WRN: variants seen among roughly 807,000 people sequenced by gnomAD.
The protein encoded by WRN is WRN RecQ like helicase, also known as bifunctional 3'-5' exonuclease/ATP-dependent helicase WRN.
WRN carries 149 observed loss-of-function variants against 180.7 expected under a neutral mutation model. The observed-to-expected ratio is 0.82, with a 90% confidence interval of 0.72 to 0.94. WRN has a LOEUF of 0.94. WRN is among the 40% of genes least tolerant of loss of function. The probability of loss-of-function intolerance (pLI) is 0.00; values close to 1 mark genes in which losing one functional copy is unlikely to be tolerated. For synonymous variants in WRN, 548 were observed against 568.9 expected (o/e 0.96, Z 0.52); for missense variants, 1,661 against 1,700.1 (o/e 0.98, Z 0.40).
intron 24 of WRN, among the ~76,000 whole-genome samples, chr8:31,135,171 G>A (rs1437336468): frequency 6.6e-6 from 1 of 152,058 alleles, no homozygotes; most frequent in East Asian, 1.9e-4. Flanking sequence ...TCCCACCTCA[G>A]CCTCCAGAGT....
chr8:31,047,138 A>ATTTTTT (rs549940818), intron 1 of WRN, among the ~76,000 whole-genome samples: 4 of 115,316 alleles, frequency 3.5e-5, no homozygotes, highest in Non-Finnish European at 5.3e-5. Context: ...GGCAATGCTG[A>ATTTTTT]TTTTTTTTTT....
rs765321958 is a variant in WRN, at chr8:31,111,597, C to G, written c.2089-18C>G. 1 of 1,613,332 alleles carries G rather than the reference C, an allele frequency of 6.2e-7. No individual in the cohort carries two copies. Among genetic ancestry groups the G allele is most frequent in the Admixed American group, 1.7e-5 (1 of 60,012 alleles). On this transcript the variant is annotated intron_variant, in intron 18 of 34. Coordinates refer to ENST00000298139, the MANE Select transcript of WRN (RefSeq NM_000553.6). ...ATGAGCTCTTTCCTTTTTAAAATAT[C>G]AGTTTTACATCATTCAGGTTCCAAT...
At position 31,037,188 on chromosome 8, in the gene WRN, A is replaced by AGTTC. The variant is rs542809241; in HGVS notation, c.-77+3216_-77+3219dup. On this transcript the variant is annotated intron_variant, in intron 1 of 34. Coordinates refer to ENST00000298139, the MANE Select transcript of WRN (RefSeq NM_000553.6). ...TCTGGGAGTGATGGGAGACAGTGACAGTTCATAAGGCATTAGGTTCTTCTA... is the reference window on the plus strand; with the variant it reads ...TCTGGGAGTGATGGGAGACAGTGACAGTTCGTTCATAAGGCATTAGGTTCTTCTA... 2.2e-4 allele frequency among the ~76,000 whole-genome samples: 34 copies of AGTTC among 152,348 alleles called. No individual in the cohort carries two copies. In the South Asian group the frequency reaches 7.0e-3, roughly 32 times the overall value.
intron 12 of WRN, 97 bp from the exon 13 acceptor site, chr8:31,088,793 T>G: frequency 9.9e-7 from 1 of 1,012,490 alleles, no homozygotes. Flanking sequence ...TAGCTGTCAC[T>G]GTATTCTTTC....
At chr8:31,095,918 G>A (rs1398110548) in intron 16 of WRN, among the ~76,000 whole-genome samples, 1 of 152,120 alleles carries the variant, frequency 6.6e-6, no homozygotes, top group African/African-American at 2.4e-5. Context: ...TGCCTGCTGG[G>A]ATTTTGAATG....
chr8:31,062,892 C>T (rs1368644687), intron 3 of WRN, among the ~76,000 whole-genome samples: 2 of 151,812 alleles, frequency 1.3e-5, no homozygotes, highest in East Asian at 1.9e-4. Context: ...AGTGCGGTGG[C>T]GAGATCATAC....
intron 17 of WRN, among the ~76,000 whole-genome samples, chr8:31,097,985 G>A (rs1213298537): frequency 6.6e-6 from 1 of 151,994 alleles, no homozygotes; most frequent in African/African-American, 2.4e-5. Flanking sequence ...TCATTTAATG[G>A]TTACTTTCAT....
At chr8:31,144,679 CAATTT>C (rs1285488475) in intron 28 of WRN, among the ~76,000 whole-genome samples, 2 of 152,068 alleles carry the variant, frequency 1.3e-5, no homozygotes, top group Non-Finnish European at 2.9e-5. Context: ...ACATGTCTCT[CAATTT>C]AAATCAAAAG....
intron 11 of WRN, chr8:31,087,513 G>T: frequency 2.8e-6 from 1 of 351,100 alleles, no homozygotes; most frequent in Non-Finnish European, 5.3e-6. Flanking sequence ...ATTTATGATA[G>T]CTTTCCCCAG....
chr8:31,082,236 C>G (rs191870316), intron 9 of WRN, among the ~76,000 whole-genome samples: 1 of 152,092 alleles, frequency 6.6e-6, no homozygotes, highest in Admixed American at 6.5e-5. Flanking sequence ...CTTAAGATGC[C>G]TATATTCTCT....
chr8:31,083,392 A>T lies in WRN; in HGVS notation c.1270-307A>T, dbSNP rs1813396793. On this transcript the variant is annotated intron_variant, in intron 9 of 34. Transcript: ENST00000298139. ...CAAAAAGTTTGGGAGACACAGTGTG[A>T]CATTGTTTAACCTGAGTTGAACTTG... is the stretch of plus-strand genomic sequence containing the variant. 2.0e-5 allele frequency among the ~76,000 whole-genome samples: 3 copies of T among 152,212 alleles called. No homozygotes were observed. The South Asian group carries it at 6.2e-4, about 31-fold the overall frequency.
chr8:31,063,233 G>A (rs1026089097), intron 3 of WRN, among the ~76,000 whole-genome samples: 15 of 152,112 alleles, frequency 9.9e-5, no homozygotes, highest in African/African-American at 3.4e-4. Flanking sequence ...CTAACAAACT[G>A]TGTACTCTGT....
intron 30 of WRN, 50 bp downstream of exon 30, chr8:31,147,526 A>G: frequency 6.5e-7 from 1 of 1,542,310 alleles, no homozygotes; most frequent in Non-Finnish European, 8.9e-7. Context: ...AACAAAATAG[A>G]TTTGGAAAAT....
In WRN at chr8:31,088,870, A is replaced by G. The variant is rs769612748; in HGVS notation, c.1577-20A>G. Reference sequence around the variant, plus strand: ...TGTTTTTCTACTTGAACATAAATGCACATTTTATTTTATTTCCAGACTTTT... The same window carrying G: ...TGTTTTTCTACTTGAACATAAATGCGCATTTTATTTTATTTCCAGACTTTT... On this transcript the variant is annotated intron_variant, in intron 12 of 34. Transcript: ENST00000298139. 1 of 1,597,060 alleles carries G rather than the reference A, an allele frequency of 6.3e-7. No homozygotes were observed. The highest frequency in any genetic ancestry group is 8.6e-7 in the Non-Finnish European group (1 of 1,168,722).
At chr8:31,085,387 A>G in intron 11 of WRN, 141 bp downstream of exon 11, 1 of 930,466 alleles carries the variant, frequency 1.1e-6, no homozygotes, top group South Asian at 1.6e-5. Flanking sequence ...CACATTTTCC[A>G]ATTCATGTTT....
At chr8:31,089,004 A>T (rs17847588) in intron 13 of WRN, 39 bp downstream of exon 13, 1 of 1,568,876 alleles carries the variant, frequency 6.4e-7, no homozygotes, top group African/African-American at 1.4e-5. Context: ...CATATTTAGT[A>T]TTCTCTTTAA....
At chr8:31,035,293 TG>T (rs1227535148) in intron 1 of WRN, among the ~76,000 whole-genome samples, 1 of 151,302 alleles carries the variant, frequency 6.6e-6, no homozygotes, top group Non-Finnish European at 1.5e-5. Flanking sequence ...GTGTTGTGGG[TG>T]GGGGGCTGTA....
rs111566913 is a variant in WRN, at chr8:31,174,005, A to C, written c.*903A>C. 6.6e-6 allele frequency among the ~76,000 whole-genome samples: 1 copy of C among 152,236 alleles called. No individual in the cohort carries two copies. The highest frequency in any genetic ancestry group is 1.5e-5 in the Non-Finnish European group (1 of 68,036). ...TTGTTAAGAAACAAATATATCTGTCATAGAAGAACTAGAAAATCCAGGGAA... is the reference window on the plus strand; with the variant it reads ...TTGTTAAGAAACAAATATATCTGTCCTAGAAGAACTAGAAAATCCAGGGAA... On this transcript the variant is annotated 3_prime_UTR_variant, in exon 35 of 35. Transcript: ENST00000298139.
At chr8:31,086,580 T>A (rs1444104255) in intron 11 of WRN, among the ~76,000 whole-genome samples, 2 of 151,202 alleles carry the variant, frequency 1.3e-5, no homozygotes, top group African/African-American at 4.9e-5. Flanking sequence ...CCTGTCTCAA[T>A]TAAAAAATTA....
Sources: gnomAD v4.1 joint callset for allele counts (sites outside exome capture counted in the v4.1 genomes callset) on GRCh38, gnomAD v4.1.1 for gene constraint, MANE v1.5 for transcripts, NCBI Gene and HGNC (gene_info 2026-07-23, HGNC 2026-07-21) for gene names.